Variants in MED6 observed in about 807,000 individuals in gnomAD.
MED6 encodes mediator complex subunit 6, also known as mediator of RNA polymerase II transcription subunit 6.
In MED6, 33 loss-of-function variants were observed where a neutral mutation model predicts 37.5. That is an observed-to-expected ratio of 0.88 (90% CI 0.67 to 1.18). The LOEUF (loss-of-function observed/expected upper bound fraction) is 1.18, where lower values mean the gene tolerates loss of function less well. Ranked by LOEUF, MED6 falls within the 50% of genes most tolerant of loss-of-function variation. MED6 has a pLI of 0.00. For missense variants in MED6, 235 were observed against 290.6 expected (o/e 0.81, Z 1.39); for synonymous variants, 94 against 93.6 (o/e 1.00, Z -0.02).
intron 3 of MED6, chr14:70,595,044 T>A (rs996396625): frequency 1.8e-6 from 1 of 559,730 alleles, no homozygotes; most frequent in Non-Finnish European, 3.6e-6. Flanking sequence ...TTGCTGCTGA[T>A]AGAGTCAAGT....
At position 70,584,709 on chromosome 14, in the gene MED6, C is replaced by G; in HGVS notation, c.*104G>C. 7.1e-7 allele frequency: 1 copy of G among 1,401,308 alleles called. No individual in the cohort carries two copies. The highest frequency in any genetic ancestry group is 9.7e-7 in the Non-Finnish European group (1 of 1,035,260). The allele number at this position is 1,401,308 out of a possible 1,614,324, so 86.8% of individuals were successfully genotyped here. A position where few individuals can be genotyped will look rare whatever the true frequency, so the allele number is the denominator to read the frequency against. On this transcript the variant is annotated 3_prime_UTR_variant, in exon 8 of 8. Transcript: ENST00000256379. Reference sequence around the variant, plus strand: ...TTTCAAAAAATAAGCGCATTCCATACAAATAAGAAGGTTACAATAAAGTAC... The same window carrying G: ...TTTCAAAAAATAAGCGCATTCCATAGAAATAAGAAGGTTACAATAAAGTAC...
In MED6 at chr14:70,583,596, T is replaced by C. The variant is rs373098168; in HGVS notation, c.*1217A>G. The C allele has an allele frequency of 2.0e-5, 3 of 152,260 alleles. No individual in the cohort carries two copies. Among genetic ancestry groups the C allele is most frequent in the African/African-American group, 4.8e-5 (2 of 41,442 alleles). 9.4% of individuals were successfully genotyped at this position (152,260 alleles called of 1,614,324 possible). ...AATACCAAACACTGAAAAGGCATTA[T>C]ACAAAGATATAATCACAGCAGTCTT... On this transcript the variant is annotated 3_prime_UTR_variant, in exon 8 of 8. Coordinates refer to ENST00000256379, the MANE Select transcript of MED6 (RefSeq NM_005466.4).
chr14:70,599,978 C>A (rs553527471), intron 1 of MED6, among the ~76,000 whole-genome samples: 2 of 151,990 alleles, frequency 1.3e-5, no homozygotes, highest in African/African-American at 4.8e-5. Context: ...GTACTATATA[C>A]ACAAAAACAA....
chr14:70,600,278 C>T (rs1172360595), intron 1 of MED6, among the ~76,000 whole-genome samples: 1 of 152,162 alleles, frequency 6.6e-6, no homozygotes, highest in Non-Finnish European at 1.5e-5. Flanking sequence ...TACCCCATTC[C>T]CTTCTCTGCC....
chr14:70,593,055 A>G (rs1362729628), intron 4 of MED6, 67 bp from the exon 5 acceptor site: 11 of 1,583,476 alleles, frequency 6.9e-6, no homozygotes, highest in Non-Finnish European at 9.5e-6. Flanking sequence ...GTAAATACTC[A>G]CAAAATATTA....
intron 4 of MED6, 131 bp from the exon 5 acceptor site, chr14:70,593,119 A>G: frequency 7.5e-7 from 1 of 1,341,650 alleles, no homozygotes; most frequent in Admixed American, 2.1e-5. Context: ...TATAATTGAG[A>G]CTATGAAATA....
intron 6 of MED6, among the ~76,000 whole-genome samples, chr14:70,587,730 A>T (rs146603344): frequency 1.3e-5 from 2 of 152,186 alleles, no homozygotes; most frequent in African/African-American, 4.8e-5. Context: ...GAGCAAATTT[A>T]ATCAGGTGGC....
At chr14:70,594,738 G>A (rs1250369393) in intron 3 of MED6, 17 of 493,862 alleles carry the variant, frequency 3.4e-5, no homozygotes, top group Non-Finnish European at 3.0e-5. Context: ...CAGGAGCCTG[G>A]CCATGGGATG....
rs1884652332 is a variant in MED6, at chr14:70,584,750, C to T, written c.*63G>A. The T allele has an allele frequency of 3.9e-6, 6 of 1,549,590 alleles. No homozygotes were observed. The South Asian group carries it at 7.3e-5, about 19-fold the overall frequency. Reference sequence around the variant, plus strand: ...AATAAAGTACTTCAAAGCTCAAGAGCCACAGTACTGAGGTATGATAACTAG... The same window carrying T: ...AATAAAGTACTTCAAAGCTCAAGAGTCACAGTACTGAGGTATGATAACTAG... On this transcript the variant is annotated 3_prime_UTR_variant, in exon 8 of 8. Coordinates refer to ENST00000256379, the MANE Select transcript of MED6 (RefSeq NM_005466.4).
intron 5 of MED6, among the ~76,000 whole-genome samples, chr14:70,592,337 G>A (rs1302803685): frequency 6.6e-6 from 1 of 152,084 alleles, no homozygotes; most frequent in Non-Finnish European, 1.5e-5. Flanking sequence ...TGGGGATAGG[G>A]CTCTAAAAAG....
chr14:70,592,937 A>C lies in MED6; in HGVS notation c.409T>G (p.Cys137Gly), dbSNP rs372095389. ...TACCCTTTGGAAGGATGATATCGACAGTATGACATAGCTTCATCAAAAGCT... is the reference window on the plus strand; with the variant it reads ...TACCCTTTGGAAGGATGATATCGACCGTATGACATAGCTTCATCAAAAGCT... ...QSAFDEAMSYCRYHPSKGYWW... is the reference protein window; with the variant it reads ...QSAFDEAMSYGRYHPSKGYWW... Residue 137 changes from cysteine to glycine, a missense_variant, in exon 5 of 8, where the codon TGT (cysteine) becomes GGT (glycine). Cys to Gly is a radical substitution (Grantham distance 159). Transcript: ENST00000256379. 6.2e-7 allele frequency: 1 copy of C among 1,613,840 alleles called. No homozygotes were observed. Among genetic ancestry groups the C allele is most frequent in the African/African-American group, 1.3e-5 (1 of 74,934 alleles).
intron 6 of MED6, among the ~76,000 whole-genome samples, chr14:70,588,780 G>A (rs1002418541): frequency 6.6e-6 from 1 of 150,788 alleles, no homozygotes; most frequent in Non-Finnish European, 1.5e-5. Flanking sequence ...AAACAAGCTT[G>A]GCCATTTTGA....
intron 1 of MED6, among the ~76,000 whole-genome samples, chr14:70,598,535 T>C (rs955784521): frequency 6.6e-6 from 1 of 151,806 alleles, no homozygotes; most frequent in African/African-American, 2.4e-5. Flanking sequence ...GAAACGAAAA[T>C]CATTTTTCAT....
Position 70,585,159 on chromosome 14 carries a change from A to T in MED6, c.611-216T>A, listed in dbSNP as rs529411623. ...AATTAATGATACTAGACAAAACTAC[A>T]TAGCATTTAAGTAAGACAGTATGTA... On this transcript the variant is annotated intron_variant, in intron 7 of 7. Transcript: ENST00000256379. Among the ~76,000 whole-genome samples the T allele has an allele frequency of 2.0e-5, 3 of 152,352 alleles. No homozygotes were observed. The South Asian group carries it at 6.2e-4, about 32-fold the overall frequency.
intron 7 of MED6, 40 bp downstream of exon 7, chr14:70,585,716 C>G (rs1373764159): frequency 1.3e-6 from 2 of 1,544,844 alleles, no homozygotes; most frequent in South Asian, 2.5e-5. Context: ...AGCTGTTTGA[C>G]CTTATTTCAA....
chr14:70,586,532 C>T (rs1330651844), intron 6 of MED6, among the ~76,000 whole-genome samples: 2 of 152,188 alleles, frequency 1.3e-5, no homozygotes, highest in Non-Finnish European at 2.9e-5. Flanking sequence ...TACCTTCAAA[C>T]TTATTATAAC....
intron 3 of MED6, chr14:70,595,707 A>G: frequency 2.6e-6 from 2 of 772,700 alleles, no homozygotes; most frequent in Admixed American, 1.9e-5. Context: ...CCAGGACTTC[A>G]ATCTTGGTGA....
chr14:70,591,416 CTACT>C (rs754849551), intron 5 of MED6, 35 bp from the exon 6 acceptor site: 3 of 1,517,504 alleles, frequency 2.0e-6, no homozygotes, highest in Middle Eastern at 1.7e-4. Flanking sequence ...AAAACATTGC[CTACT>C]TAGTTTGGTG....
Position 70,588,412 on chromosome 14 carries a change from G to A in MED6, c.583-2629C>T, listed in dbSNP as rs930715891. 5.2e-4 allele frequency among the ~76,000 whole-genome samples: 79 copies of A among 152,188 alleles called. 1 individual carries two copies. The highest frequency in any genetic ancestry group is 1.6e-3 in the Admixed American group (25 of 15,276). Reference sequence around the variant, plus strand: ...TAAAAATAATTGGGAGGGGCCGGGCGCGGTGGCTCATGCCTATAATCCCAG... The same window carrying A: ...TAAAAATAATTGGGAGGGGCCGGGCACGGTGGCTCATGCCTATAATCCCAG... On this transcript the variant is annotated intron_variant, in intron 6 of 7. Transcript: ENST00000256379.
Sources: gnomAD v4.1 joint callset for allele counts (sites outside exome capture counted in the v4.1 genomes callset) on GRCh38, gnomAD v4.1.1 for gene constraint, MANE v1.5 for transcripts, NCBI Gene and HGNC (gene_info 2026-07-23, HGNC 2026-07-21) for gene names.